Variants in ZNF536 observed in about 807,000 individuals in gnomAD.
The protein encoded by ZNF536 is zinc finger protein 536.
ZNF536 carries 13 observed loss-of-function variants against 84.5 expected under a neutral mutation model. That is an observed-to-expected ratio of 0.15 (90% CI 0.10 to 0.24). The LOEUF is 0.24. Ranked by LOEUF, ZNF536 falls within the 10% of genes least tolerant of loss-of-function variation. The pLI, the probability that ZNF536 is intolerant of heterozygous loss-of-function variation, is 1.00. For synonymous variants in ZNF536, 811 were observed against 742.5 expected (o/e 1.09, Z -1.50); for missense variants, 1,536 against 1,747.5 (o/e 0.88, Z 2.16).
chr19:30,437,120 C>G (rs570714216), intron 1 of ZNF536, among the ~76,000 whole-genome samples: 1 of 152,226 alleles, frequency 6.6e-6, no homozygotes, highest in Non-Finnish European at 1.5e-5. Flanking sequence ...AACTTACTGG[C>G]AAGATCTATA....
intron 1 of ZNF536, among the ~76,000 whole-genome samples, chr19:30,708,055 A>G (rs574949830): frequency 6.6e-6 from 1 of 152,260 alleles, no homozygotes; most frequent in East Asian, 1.9e-4. Context: ...TTCCTTAGAA[A>G]AAGGCAAGGT....
At chr19:30,371,502 A>T (rs1167636232), upstream of ZNF536, among the ~76,000 whole-genome samples, 1 of 151,888 alleles carries the variant, frequency 6.6e-6, no homozygotes, top group Non-Finnish European at 1.5e-5. Context: ...CCAAAAGTCA[A>T]GCCATCACCA....
At chr19:30,585,785 G>T (rs1383254351) in intron 1 of ZNF536, among the ~76,000 whole-genome samples, 1 of 152,130 alleles carries the variant, frequency 6.6e-6, no homozygotes, top group Non-Finnish European at 1.5e-5. Context: ...TTTCAGGGCT[G>T]TGTCAAGCCT....
At chr19:30,334,153 C>T (rs906661428) in intron 2 of ZNF536, among the ~76,000 whole-genome samples, 12 of 152,130 alleles carry the variant, frequency 7.9e-5, no homozygotes, top group African/African-American at 1.7e-4. Context: ...GAAGCAGTTT[C>T]GCCAATGGGA....
intron 1 of ZNF536, among the ~76,000 whole-genome samples, chr19:30,644,537 C>T (rs1019706714): frequency 2.0e-5 from 3 of 152,096 alleles, no homozygotes; most frequent in African/African-American, 7.2e-5. Context: ...CCACAACAGG[C>T]CTCGGTGTGT....
chr19:30,248,958 C>A (rs141317153), intron 1 of ZNF536, among the ~76,000 whole-genome samples: 37 of 152,322 alleles, frequency 2.4e-4, no homozygotes, highest in African/African-American at 8.9e-4. Flanking sequence ...CCACTTGCTG[C>A]CAAACGGGGG....
intron 1 of ZNF536, among the ~76,000 whole-genome samples, chr19:30,613,591 T>A (rs2048177168): frequency 6.6e-6 from 1 of 152,192 alleles, no homozygotes; most frequent in Non-Finnish European, 1.5e-5. Flanking sequence ...TTCTTCAAAT[T>A]TGGTATGCCT....
intron 3 of ZNF536, among the ~76,000 whole-genome samples, chr19:30,366,779 G>C (rs999940995): frequency 1.3e-5 from 2 of 152,190 alleles, no homozygotes; most frequent in African/African-American, 4.8e-5. Context: ...ATTCCAGTTG[G>C]AGGAGTCAGG....
chr19:30,228,104 TG>T (rs2022724268), upstream of ZNF536, among the ~76,000 whole-genome samples: 2 of 151,836 alleles, frequency 1.3e-5, no homozygotes, highest in Admixed American at 1.3e-4. This position sits in a 1 kb window ranked among gnomAD's most constrained non-coding sequence, Gnocchi z 4.5. Flanking sequence ...GGGAACGCGC[TG>T]TTTTCTTTCC....
chr19:30,487,561 T>C (rs2054349072), intron 2 of ZNF536, among the ~76,000 whole-genome samples: 1 of 152,198 alleles, frequency 6.6e-6, no homozygotes, highest in African/African-American at 2.4e-5. Flanking sequence ...TCCCTCTTTC[T>C]TTTTCTTTTG....
At chr19:30,245,028 T>A (rs997633998) in intron 1 of ZNF536, among the ~76,000 whole-genome samples, 1 of 152,158 alleles carries the variant, frequency 6.6e-6, no homozygotes, top group Non-Finnish European at 1.5e-5. Flanking sequence ...TACCTAGCTG[T>A]CCCCATCTGC....
intron 2 of ZNF536, among the ~76,000 whole-genome samples, chr19:30,517,671 A>G (rs114839871): frequency 8.7e-4 from 132 of 152,258 alleles, no homozygotes; most frequent in African/African-American, 2.9e-3. Context: ...CGCCCCAGCT[A>G]CTTGGGAGGC....
At chr19:30,675,258 A>G (rs921940447) in intron 1 of ZNF536, among the ~76,000 whole-genome samples, 1 of 152,210 alleles carries the variant, frequency 6.6e-6, no homozygotes, top group African/African-American at 2.4e-5. Flanking sequence ...TGTTTCTGCC[A>G]TGTAAACAGG....
intron 1 of ZNF536, among the ~76,000 whole-genome samples, chr19:30,576,992 T>G (rs954461118): frequency 5.9e-5 from 9 of 152,250 alleles, no homozygotes; most frequent in South Asian, 2.1e-4. Flanking sequence ...AAGTCTGTTT[T>G]TTGTTGTTGT....
At chr19:30,451,246 G>A (rs909773643) in intron 2 of ZNF536, among the ~76,000 whole-genome samples, 2 of 152,264 alleles carry the variant, frequency 1.3e-5, no homozygotes, top group African/African-American at 4.8e-5. Context: ...CTGTCCACTT[G>A]GGACGCCCTG....
At chr19:30,403,075 G>A (rs367675621) in intron 1 of ZNF536, among the ~76,000 whole-genome samples, 30 of 152,110 alleles carry the variant, frequency 2.0e-4, no homozygotes, top group African/African-American at 6.7e-4. Context: ...GGATGGGGAG[G>A]GATGCTTTGC....
At chr19:30,505,590 G>A (rs1045973844) in intron 2 of ZNF536, among the ~76,000 whole-genome samples, 3 of 151,862 alleles carry the variant, frequency 2.0e-5, no homozygotes, top group Non-Finnish European at 4.4e-5. Context: ...CAATTTAAAT[G>A]TACTTCAGAA....
At chr19:30,588,325 T>C (rs1279007184) in intron 1 of ZNF536, among the ~76,000 whole-genome samples, 2 of 152,228 alleles carry the variant, frequency 1.3e-5, no homozygotes, top group Admixed American at 1.3e-4. Flanking sequence ...TATGTGGTCA[T>C]GACTGCATTA....
chr19:30,429,268 T>A (rs778914095), intron 1 of ZNF536, among the ~76,000 whole-genome samples: 3 of 152,150 alleles, frequency 2.0e-5, no homozygotes. Context: ...TCTTGGCACT[T>A]GGGAATGTTG....
Sources: gnomAD v4.1 joint callset for allele counts (sites outside exome capture counted in the v4.1 genomes callset) on GRCh38, gnomAD v4.1.1 for gene constraint, Gnocchi (gnomAD v3.1) non-coding constraint, MANE v1.5 for transcripts, NCBI Gene and HGNC (gene_info 2026-07-23, HGNC 2026-07-21) for gene names.